The following TMEM223 variants were observed in gnomAD, a reference collection of about 807,000 sequenced individuals.
The protein encoded by TMEM223 is transmembrane protein 223.
TMEM223 carries 14 observed loss-of-function variants against 14.1 expected under a neutral mutation model. That is an observed-to-expected ratio of 0.99 (90% CI 0.66 to 1.55). The LOEUF (loss-of-function observed/expected upper bound fraction) is 1.55, where lower values mean the gene tolerates loss of function less well. Ranked by LOEUF, TMEM223 falls within the 40% of genes most tolerant of loss-of-function variation. The pLI, the probability that TMEM223 is intolerant of heterozygous loss-of-function variation, is 0.00. For synonymous variants in TMEM223, 145 were observed against 120.5 expected, an observed-to-expected ratio of 1.20 and a Z score of -1.33; for missense variants, 346 against 269.9, an observed-to-expected ratio of 1.28 and a Z score of -1.97.
At chr11:62,775,974 C>T (rs1273198272) in intron 1 of TMEM223, 1 of 1,567,006 alleles carries the variant, frequency 6.4e-7, no homozygotes, top group South Asian at 1.2e-5. Flanking sequence ...TTCCTTGTTT[C>T]TGCCTTTTTA....
At chr11:62,775,832 G>C in intron 1 of TMEM223, 1 of 1,613,216 alleles carries the variant, frequency 6.2e-7, no homozygotes, top group South Asian at 1.1e-5. Flanking sequence ...TCGGGAGTCT[G>C]TCCGGCTCAT....
In TMEM223 at chr11:62,791,987, G is replaced by A. The variant is rs1447133081; in HGVS notation, c.8C>T (p.Ala3Val). The A allele has an allele frequency of 2.5e-5, 38 of 1,531,418 alleles. No homozygotes were observed. Among genetic ancestry groups the A allele is most frequent in the African/African-American group, 2.8e-5 (2 of 72,522 alleles). 94.9% of individuals were successfully genotyped at this position (1,531,418 alleles called of 1,614,324 possible). The change falls in exon 1 of 2, where the codon GCG (alanine) becomes GTG (valine). Residue 3 changes from alanine to valine, a missense_variant. By Grantham distance (64) the Ala-to-Val change is moderately conservative (BLOSUM62 0). Transcript: ENST00000307366. ...CCCCGTGGGCCATCGCCTCCAAGGCGCCGCCATGGCCAGCCGACTTCCGGG... is the reference window on the plus strand; with the variant it reads ...CCCCGTGGGCCATCGCCTCCAAGGCACCGCCATGGCCAGCCGACTTCCGGG... MA[A>V]PWRRWPTGLL...
At chr11:62,778,495 A>G in intron 1 of TMEM223, 1 of 823,656 alleles carries the variant, frequency 1.2e-6, no homozygotes, top group Non-Finnish European at 2.0e-6. Flanking sequence ...TGGAGGGCTC[A>G]GAGTTGGAGA....
downstream of TMEM223, chr11:62,786,316 T>C: frequency 6.2e-7 from 1 of 1,614,166 alleles, no homozygotes; most frequent in Non-Finnish European, 8.5e-7. Flanking sequence ...ACTTGCAGGC[T>C]GTGCTGGATG....
chr11:62,780,930 C>CG lies in TMEM223; in HGVS notation c.315-6266_315-6265insC, dbSNP rs758929626. Among the ~76,000 whole-genome samples, 374 of 136,756 alleles carry CG rather than the reference C, an allele frequency of 2.7e-3. 1 individual carries two copies. Among genetic ancestry groups the CG allele is most frequent in the South Asian group, 5.6e-3 (24 of 4,314 alleles). The allele number at this position is 136,756 out of a possible 152,430, so 89.7% of individuals were successfully genotyped here. A position where few individuals can be genotyped will look rare whatever the true frequency, so the allele number is the denominator to read the frequency against. On this transcript the variant is annotated intron_variant, in intron 1 of 2. Coordinates refer to the TMEM223 transcript ENST00000528367. ...CCAGCCTGGGCAATAGAGTGAGACTCCATCTCAAAAAAAAAAAAAAAAGGG... is the reference window on the plus strand; with the variant it reads ...CCAGCCTGGGCAATAGAGTGAGACTCGCATCTCAAAAAAAAAAAAAAAAGGG...
At chr11:62,771,709 G>C (rs1005165667) in exon 3 of TMEM223, 3 of 196,194 alleles carry the variant, frequency 1.5e-5, no homozygotes, top group Non-Finnish European at 3.2e-5. Context: ...GGCCCGCGGA[G>C]GTCAGTTCCC....
intron 1 of TMEM223, 134 bp from the exon 2 acceptor site, chr11:62,791,049 G>C (rs979381084): frequency 1.5e-5 from 14 of 932,570 alleles, no homozygotes; most frequent in Non-Finnish European, 2.0e-5. Flanking sequence ...TTGAGACTGA[G>C]TCTCACTCTG....
intron 1 of TMEM223, among the ~76,000 whole-genome samples, chr11:62,780,511 CA>C (rs879663468): frequency 2.0e-5 from 3 of 148,420 alleles, no homozygotes; most frequent in African/African-American, 2.5e-5. Flanking sequence ...AACTTCATCT[CA>C]AAAAAAAAGA....
chr11:62,780,936 C>CAAAAAAAAAA (rs1302371766), intron 1 of TMEM223, among the ~76,000 whole-genome samples: 59 of 52,316 alleles, frequency 1.1e-3, no homozygotes, highest in Middle Eastern at 0.015. Context: ...GACTCCATCT[C>CAAAAAAAAAA]AAAAAAAAAA....
At chr11:62,780,725 T>G (rs984885089) in intron 1 of TMEM223, among the ~76,000 whole-genome samples, 12 of 149,330 alleles carry the variant, frequency 8.0e-5, no homozygotes, top group Admixed American at 1.3e-4. Flanking sequence ...AGGCCGGGAG[T>G]TCGAGACCAG....
downstream of TMEM223, chr11:62,789,514 T>G (rs2084333090): frequency 3.8e-6 from 6 of 1,593,036 alleles, no homozygotes; most frequent in Non-Finnish European, 5.1e-6. Flanking sequence ...CCCCATCAGT[T>G]GCTCTCAACT....
chr11:62,789,295 T>G (rs1017112376), downstream of TMEM223: 11 of 1,613,864 alleles, frequency 6.8e-6, no homozygotes, highest in South Asian at 2.2e-5. Flanking sequence ...CTTTCAGAGG[T>G]GCTATAGGGC....
intron 1 of TMEM223, chr11:62,782,343 G>C: frequency 1.2e-6 from 2 of 1,612,352 alleles, no homozygotes; most frequent in Non-Finnish European, 1.7e-6. Context: ...GGTAGCCACT[G>C]GGCCTAAACC....
At chr11:62,774,553 G>A (rs2084171547) in intron 2 of TMEM223, 1 of 454,286 alleles carries the variant, frequency 2.2e-6, no homozygotes, top group African/African-American at 2.0e-5. Flanking sequence ...GGGCCTTCCT[G>A]TCTGAGGTGT....
At position 62,776,293 on chromosome 11, in the gene TMEM223, C is replaced by G. The variant is rs1187233733; in HGVS notation, c.315-1628G>C. On this transcript the variant is annotated intron_variant, in intron 1 of 2. Transcript: ENST00000528367. ...ATCCCTAAGCGTGGTCTCCTGTTTG[C>G]CTTCTCTCCAGTCTGGCCCACTTCA... The G allele has an allele frequency of 3.8e-6, 5 of 1,324,472 alleles. No individual in the cohort carries two copies. The East Asian group carries it at 1.2e-4, about 31-fold the overall frequency. 82.0% of individuals were successfully genotyped at this position (1,324,472 alleles called of 1,614,324 possible). A position where few individuals can be genotyped will look rare whatever the true frequency, so the allele number is the denominator to read the frequency against.
chr11:62,787,304 G>C (rs1197102359), downstream of TMEM223: 3 of 1,533,550 alleles, frequency 2.0e-6, no homozygotes, highest in Middle Eastern at 1.7e-4. Context: ...TGAGTCAGTG[G>C]CCCCTTCGTT....
intron 1 of TMEM223, among the ~76,000 whole-genome samples, chr11:62,791,274 TGA>T (rs2084357930): frequency 6.6e-6 from 1 of 152,048 alleles, no homozygotes; most frequent in Admixed American, 6.5e-5. Flanking sequence ...TTTTTTTTTT[TGA>T]GAGGGGAGTC....
intron 1 of TMEM223, chr11:62,782,121 T>C (rs12224551): frequency 1.9e-6 from 3 of 1,607,182 alleles, no homozygotes; most frequent in East Asian, 2.2e-5. Flanking sequence ...AGGTGAAATC[T>C]GTAAGCCATG....
In TMEM223 at chr11:62,791,791, G is replaced by A. The variant is rs751642195; in HGVS notation, c.204C>T (p.Ser68=). The change falls in exon 1 of 2, where the codon TCC becomes TCT. Residue 68 remains serine, a synonymous_variant. Coordinates refer to ENST00000307366, the MANE Select transcript of TMEM223 (RefSeq NM_001080501.3). The part of the protein sequence containing the change: ...FWASMAVAAV[S]RPPVPVQPLD... The stretch of plus-strand genomic sequence containing the variant: ...GAGGCTGCACCGGAACCGGGGGCCG[G>A]GACACGGCTGCCACAGCCATGGAAG... 1.5e-5 allele frequency: 23 copies of A among 1,571,838 alleles called. No individual in the cohort carries two copies. Among genetic ancestry groups the A allele is most frequent in the Non-Finnish European group, 2.0e-5 (23 of 1,159,528 alleles).
Sources: allele counts gnomAD v4.1 joint callset (sites outside exome capture counted in the v4.1 genomes callset), GRCh38; gene constraint gnomAD v4.1.1; transcripts MANE v1.5; gene names NCBI Gene and HGNC (gene_info 2026-07-23, HGNC 2026-07-21).